Variants in DFFB observed in about 807,000 individuals in gnomAD.
The protein encoded by DFFB is DNA fragmentation factor subunit beta, also known as DNA fragmentation factor 40 kDa subunit.
In DFFB, 29 loss-of-function variants were observed where a neutral mutation model predicts 32.7. The observed-to-expected ratio is 0.89, with a 90% CI of 0.66 to 1.21. The LOEUF (loss-of-function observed/expected upper bound fraction) is 1.21. DFFB is among the 50% of genes most tolerant of loss of function. The probability of loss-of-function intolerance (pLI) is 0.00; values close to 1 mark genes in which losing one functional copy is unlikely to be tolerated. For missense variants in DFFB, 398 were observed against 440.6 expected (o/e 0.90, Z 0.87); for synonymous variants, 170 against 177.1 (o/e 0.96, Z 0.32).
chr1:3,869,621 C>G lies in DFFB; in HGVS notation c.527C>G (p.Ser176Cys). The G allele has an allele frequency of 6.2e-7, 1 of 1,612,304 alleles. No individual in the cohort carries two copies. Among genetic ancestry groups the G allele is most frequent in the Admixed American group, 1.7e-5 (1 of 59,690 alleles). Residue 176 changes from serine to cysteine, a missense_variant, in exon 5 of 7, where the codon TCC (serine) becomes TGC (cysteine). Physicochemically the swap from Ser to Cys is moderately radical, Grantham distance 112 (BLOSUM62 -1). Coordinates refer to ENST00000378209, the MANE Select transcript of DFFB (RefSeq NM_004402.4). Reference sequence around the variant, plus strand: ...TTCCTCCAGGTGAGCTCCTACCCCTCCACGGTGGGTGCGGAGGCTCAGGAG... The same window carrying G: ...TTCCTCCAGGTGAGCTCCTACCCCTGCACGGTGGGTGCGGAGGCTCAGGAG... ...SYLREVSSYP[S>C]TVGAEAQEEF...
At position 3,869,595 on chromosome 1, in the gene DFFB, G is replaced by T; in HGVS notation, c.511-10G>T. The T allele has an allele frequency of 6.3e-7, 1 of 1,597,918 alleles. No individual in the cohort carries two copies. The highest frequency in any genetic ancestry group is 8.5e-7 in the Non-Finnish European group (1 of 1,171,526). ...GCACCAGGCTCACCGACGTTCCTTG[G>T]TTCCTCCAGGTGAGCTCCTACCCCT... On this transcript the variant is annotated splice_polypyrimidine_tract_variant and intron_variant, in intron 4 of 6. Coordinates refer to ENST00000378209, the MANE Select transcript of DFFB (RefSeq NM_004402.4).
chr1:3,876,967 A>G (rs934185914), intron 6 of DFFB, among the ~76,000 whole-genome samples: 1 of 152,090 alleles, frequency 6.6e-6, no homozygotes, highest in Admixed American at 6.6e-5. Flanking sequence ...CTCTGGGTGG[A>G]CCTGACTCCT....
chr1:3,858,143 G>A (rs887140515), intron 1 of DFFB, among the ~76,000 whole-genome samples: 7 of 152,204 alleles, frequency 4.6e-5, no homozygotes, highest in Admixed American at 3.3e-4. Flanking sequence ...CTTATTCTAG[G>A]TTGGTTTTCT....
At chr1:3,873,842 A>C (rs1033213394) in intron 6 of DFFB, among the ~76,000 whole-genome samples, 1 of 152,180 alleles carries the variant, frequency 6.6e-6, no homozygotes, top group African/African-American at 2.4e-5. Flanking sequence ...CAAAATCCTA[A>C]AAAAATCCCA....
intron 3 of DFFB, among the ~76,000 whole-genome samples, chr1:3,867,324 C>A (rs1178364733): frequency 6.6e-6 from 1 of 152,292 alleles, no homozygotes; most frequent in African/African-American, 2.4e-5. Flanking sequence ...CACGCTCCGT[C>A]TGTTCACTCC....
rs369080191 is a variant in DFFB at position 3,880,001 on chromosome 1, C to T, written c.783-3506C>T. ...TCGTTCTTGAGCCCTGGGAGGTAAA[C>T]GCCAATGCCTTCAAATGTCCTGCCT... On this transcript the variant is annotated intron_variant, in intron 6 of 6. Coordinates refer to ENST00000378209, the MANE Select transcript of DFFB (RefSeq NM_004402.4). 5.9e-5 allele frequency among the ~76,000 whole-genome samples: 9 copies of T among 152,342 alleles called. No individual in the cohort carries two copies. In the East Asian group the frequency reaches 1.2e-3, roughly 20 times the overall value.
chr1:3,877,277 A>G (rs1645241940), intron 6 of DFFB, among the ~76,000 whole-genome samples: 1 of 146,752 alleles, frequency 6.8e-6, no homozygotes, highest in Admixed American at 6.8e-5. Flanking sequence ...TATCTAATCT[A>G]TACTTAAGGT....
chr1:3,859,971 T>G (rs1234650832), intron 2 of DFFB, among the ~76,000 whole-genome samples: 1 of 152,190 alleles, frequency 6.6e-6, no homozygotes, highest in Non-Finnish European at 1.5e-5. Flanking sequence ...TGTCTCTGGC[T>G]CTCTCTGTCT....
chr1:3,866,077 G>T, intron 3 of DFFB, 77 bp downstream of exon 3: 2 of 1,286,166 alleles, frequency 1.6e-6, no homozygotes, highest in South Asian at 1.5e-5. Context: ...ATTCCAAAAA[G>T]CCCCCAGTGA....
chr1:3,864,712 A>C lies in DFFB; in HGVS notation c.242-1100A>C, dbSNP rs149300768. Among the ~76,000 whole-genome samples the C allele has an allele frequency of 7.9e-3, 1,200 of 151,460 alleles. 18 individuals carry two copies. The highest frequency in any genetic ancestry group is 0.026 in the African/African-American group (1,092 of 41,320). ...CGCTAATTATTATGATTTTTTTTAGAGATGGGGGTCTTGCTTTTTTTTTTA... is the reference window on the plus strand; with the variant it reads ...CGCTAATTATTATGATTTTTTTTAGCGATGGGGGTCTTGCTTTTTTTTTTA... On this transcript the variant is annotated intron_variant, in intron 2 of 6. Transcript: ENST00000378209.
chr1:3,862,766 A>G (rs1161241665), intron 2 of DFFB, among the ~76,000 whole-genome samples: 1 of 152,248 alleles, frequency 6.6e-6, no homozygotes, highest in Non-Finnish European at 1.5e-5. Context: ...ATAAGTCCTC[A>G]TCGCCTTGGA....
intron 2 of DFFB, chr1:3,860,355 T>C (rs1256439649): frequency 2.9e-6 from 1 of 341,796 alleles, no homozygotes; most frequent in East Asian, 9.1e-5. Context: ...GCCTCCCAAG[T>C]ATCTGGGACC....
chr1:3,875,454 G>A (rs1645203826), intron 6 of DFFB, among the ~76,000 whole-genome samples: 1 of 152,138 alleles, frequency 6.6e-6, no homozygotes, highest in African/African-American at 2.4e-5. Flanking sequence ...CCCTCTCTGA[G>A]CCTGGCCAGG....
chr1:3,883,407 AGGGGAATTT>A, intron 6 of DFFB, 91 bp from the exon 7 acceptor site: 1 of 1,120,078 alleles, frequency 8.9e-7, no homozygotes, highest in Non-Finnish European at 1.3e-6. Context: ...GATAGCACTT[AGGGGAATTT>A]GTGAAGAGCT....
intron 4 of DFFB, among the ~76,000 whole-genome samples, chr1:3,868,472 G>C (rs923167963): frequency 1.3e-5 from 2 of 152,042 alleles, no homozygotes; most frequent in Admixed American, 1.3e-4. Flanking sequence ...GCCCATCCTT[G>C]GTCTGCAAAC....
At chr1:3,870,721 G>C (rs567776175) in intron 5 of DFFB, among the ~76,000 whole-genome samples, 10 of 152,302 alleles carry the variant, frequency 6.6e-5, no homozygotes, top group South Asian at 2.1e-4. Flanking sequence ...GCCAGGGCCA[G>C]TCAGAAGCGG....
intron 3 of DFFB, 129 bp from the exon 4 acceptor site, chr1:3,867,845 C>G: frequency 2.5e-6 from 2 of 801,452 alleles, no homozygotes; most frequent in South Asian, 3.0e-5. Flanking sequence ...AGAGCAAGAC[C>G]CTGTCAAAAA....
chr1:3,861,153 CAAAA>C (rs56961503), intron 2 of DFFB, among the ~76,000 whole-genome samples: 1 of 122,954 alleles, frequency 8.1e-6, no homozygotes, highest in Non-Finnish European at 1.6e-5. Context: ...GACTCCATCT[CAAAA>C]AAAAAAAAAA....
In DFFB at chr1:3,865,433, T is replaced by A. The variant is rs755058211; in HGVS notation, c.242-379T>A. ...GAGAGCTCGCTGCTTTAGGGAGTTGTGAAAAGGCTCCAGGAGAGAGTAGGA... is the reference window on the plus strand; with the variant it reads ...GAGAGCTCGCTGCTTTAGGGAGTTGAGAAAAGGCTCCAGGAGAGAGTAGGA... On this transcript the variant is annotated intron_variant, in intron 2 of 6. Coordinates refer to ENST00000378209, the MANE Select transcript of DFFB (RefSeq NM_004402.4). The surrounding 1 kb of genome is among the most constrained non-coding windows in gnomAD (Gnocchi z 4.7). Among the ~76,000 whole-genome samples the A allele has an allele frequency of 6.6e-6, 1 of 152,070 alleles. No individual in the cohort carries two copies. The highest frequency in any genetic ancestry group is 1.5e-5 in the Non-Finnish European group (1 of 68,012).
Sources: gnomAD v4.1 joint callset for allele counts (sites outside exome capture counted in the v4.1 genomes callset) on GRCh38, gnomAD v4.1.1 for gene constraint, Gnocchi (gnomAD v3.1) non-coding constraint, MANE v1.5 for transcripts, NCBI Gene and HGNC (gene_info 2026-07-23, HGNC 2026-07-21) for gene names.